Variants in IGFBP7 observed in about 807,000 individuals in gnomAD.
The protein encoded by IGFBP7 is insulin like growth factor binding protein 7.
IGFBP7 carries 31 observed loss-of-function variants against 29.4 expected under a neutral mutation model. That is an observed-to-expected ratio of 1.05 (90% CI 0.79 to 1.42). The LOEUF is 1.42. IGFBP7 is among the 40% of genes most tolerant of loss of function. The pLI is 0.00. For missense variants in IGFBP7, 393 were observed against 395.5 expected (o/e 0.99, Z 0.05); for synonymous variants, 172 against 174.9 (o/e 0.98, Z 0.13).
At position 57,032,035 on chromosome 4, in the gene IGFBP7, TTTC is replaced by T. The variant is rs540329298; in HGVS notation, c.829+388_829+390del. 1.9e-4 allele frequency: 38 copies of T among 195,400 alleles called. No individual in the cohort carries two copies. In the South Asian group the frequency reaches 3.8e-3, roughly 20 times the overall value. The allele number at this position is 195,400 out of a possible 1,614,324, so 12.1% of individuals were successfully genotyped here. A position where few individuals can be genotyped will look rare whatever the true frequency, so the allele number is the denominator to read the frequency against. Reference sequence around the variant, plus strand: ...GCCAATATACTCTCCTTTGTGGCCTTTTCTTTTAAAAGCAAAAGTGAAGGGCGA... The same window carrying T: ...GCCAATATACTCTCCTTTGTGGCCTTTTTTAAAAGCAAAAGTGAAGGGCGA... On this transcript the variant is annotated intron_variant, in intron 4 of 4. Transcript: ENST00000295666.
In IGFBP7 at chr4:57,073,221, A is replaced by G. The variant is rs545104108; in HGVS notation, c.476-32288T>C. On this transcript the variant is annotated intron_variant, in intron 1 of 4. Coordinates refer to ENST00000295666, the MANE Select transcript of IGFBP7 (RefSeq NM_001553.3). ...CTGTGATTTTTGTATAGCACTCTGTATCTTGAGCTGTGGTATTATTATTAT... is the reference window on the plus strand; with the variant it reads ...CTGTGATTTTTGTATAGCACTCTGTGTCTTGAGCTGTGGTATTATTATTAT... 10 of 808,662 alleles carry G rather than the reference A, an allele frequency of 1.2e-5. No individual in the cohort carries two copies. The Admixed American group carries it at 1.9e-4, about 16-fold the overall frequency. The allele number at this position is 808,662 out of a possible 1,614,324, so 50.1% of individuals were successfully genotyped here.
At chr4:57,049,462 C>T (rs536600616) in intron 1 of IGFBP7, among the ~76,000 whole-genome samples, 3 of 152,322 alleles carry the variant, frequency 2.0e-5, no homozygotes, top group African/African-American at 7.2e-5. Flanking sequence ...CCCACCATTA[C>T]ATGTTCATTA....
intron 2 of IGFBP7, among the ~76,000 whole-genome samples, chr4:57,033,682 C>T (rs577151578): frequency 5.3e-5 from 8 of 152,258 alleles, no homozygotes; most frequent in African/African-American, 1.2e-4. Context: ...AACTGTCACC[C>T]AGCACTAGGT....
chr4:57,104,214 A>G (rs1368318411), intron 1 of IGFBP7, among the ~76,000 whole-genome samples: 1 of 152,106 alleles, frequency 6.6e-6, no homozygotes, highest in East Asian at 1.9e-4. Context: ...ATAGTATTCT[A>G]TTGTATATAT....
chr4:57,043,755 G>A (rs1724286971), intron 1 of IGFBP7, among the ~76,000 whole-genome samples: 1 of 152,212 alleles, frequency 6.6e-6, no homozygotes, highest in Non-Finnish European at 1.5e-5. Context: ...ACATGAATGT[G>A]GTGAGCACAG....
chr4:57,031,749 A>G (rs552152542), intron 4 of IGFBP7, among the ~76,000 whole-genome samples: 10 of 152,344 alleles, frequency 6.6e-5, no homozygotes, highest in Admixed American at 5.9e-4. Context: ...GACATTACAC[A>G]TTATGGCTGA....
chr4:57,062,874 C>T (rs1724832242), intron 1 of IGFBP7, among the ~76,000 whole-genome samples: 1 of 152,196 alleles, frequency 6.6e-6, no homozygotes, highest in South Asian at 2.1e-4. Flanking sequence ...TTTAGATTTA[C>T]ATCTTCCTCT....
chr4:57,037,233 C>T (rs988161373), intron 2 of IGFBP7, among the ~76,000 whole-genome samples: 1 of 152,138 alleles, frequency 6.6e-6, no homozygotes, highest in Non-Finnish European at 1.5e-5. Flanking sequence ...TGGCAAATTA[C>T]ATTATGAAGG....
At chr4:57,063,399 C>T (rs913333660) in intron 1 of IGFBP7, among the ~76,000 whole-genome samples, 1 of 152,232 alleles carries the variant, frequency 6.6e-6, no homozygotes, top group South Asian at 2.1e-4. Flanking sequence ...CTCTCTAGTT[C>T]TTTCCTGTGT....
intron 1 of IGFBP7, among the ~76,000 whole-genome samples, chr4:57,106,819 A>G (rs1252429794): frequency 6.6e-6 from 1 of 152,210 alleles, no homozygotes; most frequent in Non-Finnish European, 1.5e-5. Context: ...AAATTTTATT[A>G]TATATCTTAG....
Position 57,040,855 on chromosome 4 carries a change from C to A in IGFBP7, c.554G>T (p.Gly185Val), listed in dbSNP as rs778389726. The A allele has an allele frequency of 5.6e-6, 9 of 1,614,028 alleles. No homozygotes were observed. In the South Asian group the frequency reaches 9.9e-5, roughly 18 times the overall value. ...CCAGATGAGGACAGGTGTCGGGATT[C>A]CGATGACCTCACAGCTCAAGTACAC... ...AQVYLSCEVI[G>V]IPTPVLIWNK... The change falls in exon 2 of 5, where the codon GGA becomes GTA. Residue 185 changes from glycine (G) to valine (V), a missense_variant. Physicochemically the swap from Gly to Val is moderately radical, Grantham distance 109. Transcript: ENST00000295666.
intron 1 of IGFBP7, among the ~76,000 whole-genome samples, chr4:57,103,313 C>T (rs1423238020): frequency 6.6e-6 from 1 of 152,222 alleles, no homozygotes; most frequent in Non-Finnish European, 1.5e-5. Flanking sequence ...TCCCATTGCT[C>T]TGTGACAGCG....
At chr4:57,109,282 AC>A (rs112611686) in intron 1 of IGFBP7, among the ~76,000 whole-genome samples, 1 of 151,930 alleles carries the variant, frequency 6.6e-6, no homozygotes, top group African/African-American at 2.4e-5. Flanking sequence ...AAAACAAAAA[AC>A]CAAAAATTGG....
rs375031580 is a variant in IGFBP7, at chr4:57,110,109, G to A, written c.243C>T (p.Cys81=). The A allele has an allele frequency of 1.3e-6, 2 of 1,523,992 alleles. No homozygotes were observed. The highest frequency in any genetic ancestry group is 1.8e-6 in the Non-Finnish European group (2 of 1,142,730). The allele number at this position is 1,523,992 out of a possible 1,614,324, so 94.4% of individuals were successfully genotyped here. The change falls in exon 1 of 5, where the codon TGC becomes TGT. Residue 81 remains cysteine (C), a synonymous_variant. Transcript: ENST00000295666. ...TCTTCACGCACTCCATGCCCGGCGC[G>A]CAGTACCCCCTGCCGGCGCCGCCAC... is the stretch of plus-strand genomic sequence containing the variant. ...CGGGGAGRGY[C]APGMECVKSR...
intron 1 of IGFBP7, among the ~76,000 whole-genome samples, chr4:57,049,881 G>A (rs1724461126): frequency 6.6e-6 from 1 of 152,134 alleles, no homozygotes; most frequent in South Asian, 2.1e-4. Context: ...GAAGTGAAAA[G>A]ATAGCCACTG....
At position 57,072,444 on chromosome 4, in the gene IGFBP7, G is replaced by A. The variant is rs374566353; in HGVS notation, c.476-31511C>T. ...GCTACTTAGGAGGCTGTGGCAGAAG[G>A]ATTGCTTGAGCCCAGGAGGTTGATG... On this transcript the variant is annotated intron_variant, in intron 1 of 4. Coordinates refer to ENST00000295666, the MANE Select transcript of IGFBP7 (RefSeq NM_001553.3). Among the ~76,000 whole-genome samples, 145 of 152,274 alleles carry A rather than the reference G, an allele frequency of 9.5e-4. 4 individuals carry two copies. In the South Asian group the frequency reaches 0.029, roughly 30 times the overall value.
At chr4:57,046,524 G>T (rs1724366072) in intron 1 of IGFBP7, among the ~76,000 whole-genome samples, 2 of 152,228 alleles carry the variant, frequency 1.3e-5, no homozygotes, top group South Asian at 4.2e-4. Context: ...TCAAGGCCAG[G>T]TCAAGGGTAA....
chr4:57,093,653 T>C (rs1725691201), intron 1 of IGFBP7, among the ~76,000 whole-genome samples: 3 of 152,174 alleles, frequency 2.0e-5, no homozygotes, highest in African/African-American at 4.8e-5. Context: ...GGGAGCTAGG[T>C]AGAGTGAAGT....
At chr4:57,067,515 C>A (rs961971001) in intron 1 of IGFBP7, among the ~76,000 whole-genome samples, 2 of 152,118 alleles carry the variant, frequency 1.3e-5, no homozygotes, top group African/African-American at 4.8e-5. Flanking sequence ...TAGAAGCAGA[C>A]ACAGAATGGT....
Sources: allele counts gnomAD v4.1 joint callset (sites outside exome capture counted in the v4.1 genomes callset), GRCh38; gene constraint gnomAD v4.1.1; transcripts MANE v1.5; gene names NCBI Gene and HGNC (gene_info 2026-07-23, HGNC 2026-07-21).